Variants in ASAP1 observed in about 807,000 individuals in gnomAD.
The protein encoded by ASAP1 is arf-GAP with SH3 domain, ANK repeat and PH domain-containing protein 1.
ASAP1 carries 43 observed loss-of-function variants against 145.2 expected under a neutral mutation model. The observed-to-expected ratio is 0.30, with a 90% confidence interval of 0.23 to 0.38. The LOEUF is 0.38. Ranked by LOEUF, ASAP1 falls within the 10% of genes least tolerant of loss-of-function variation. ASAP1 has a pLI of 1.00. For synonymous variants in ASAP1, 546 were observed against 515.5 expected, an observed-to-expected ratio of 1.06 and a Z score of -0.80; for missense variants, 1,018 against 1,355.3, an observed-to-expected ratio of 0.75 and a Z score of 3.91.
intron 2 of ASAP1, among the ~76,000 whole-genome samples, chr8:130,391,296 T>C (rs1484769590): frequency 1.3e-5 from 2 of 152,048 alleles, no homozygotes; most frequent in African/African-American, 2.4e-5. Context: ...GAGAAGGAGT[T>C]GTCATTTGAT....
At chr8:130,207,814 G>A (rs867443976) in intron 5 of ASAP1, among the ~76,000 whole-genome samples, 7 of 152,200 alleles carry the variant, frequency 4.6e-5, no homozygotes, top group Middle Eastern at 3.4e-3. Flanking sequence ...CTCACTTCTG[G>A]GAGGAAATAG....
intron 27 of ASAP1, among the ~76,000 whole-genome samples, chr8:130,070,832 AGAGAGAGG>A (rs2097441869): frequency 3.7e-4 from 6 of 16,146 alleles, no homozygotes; most frequent in Admixed American, 1.6e-3. Flanking sequence ...GGAGAGAGGG[AGAGAGAGG>A]GAGAGAGGGA....
At chr8:130,139,983 C>T (rs1427992893) in intron 13 of ASAP1, among the ~76,000 whole-genome samples, 3 of 149,180 alleles carry the variant, frequency 2.0e-5, no homozygotes, top group Admixed American at 2.0e-4. Flanking sequence ...TGCATTCAGG[C>T]AAGTTAAACA....
chr8:130,318,948 T>C (rs1331263332), intron 3 of ASAP1, among the ~76,000 whole-genome samples: 2 of 152,194 alleles, frequency 1.3e-5, no homozygotes, highest in African/African-American at 4.8e-5. Flanking sequence ...AAAAACCCAT[T>C]AGAAGCAGAA....
intron 3 of ASAP1, among the ~76,000 whole-genome samples, chr8:130,344,668 A>C (rs1283507841): frequency 1.3e-5 from 2 of 152,240 alleles, no homozygotes; most frequent in Non-Finnish European, 2.9e-5. Flanking sequence ...CAGGAGATAG[A>C]ACCTGCAGTA....
chr8:130,091,848 G>A, intron 25 of ASAP1, 125 bp downstream of exon 25: 1 of 1,051,562 alleles, frequency 9.5e-7, no homozygotes, highest in Non-Finnish European at 1.3e-6. Context: ...ATATACCCGA[G>A]TCAGCACCCA....
intron 27 of ASAP1, among the ~76,000 whole-genome samples, chr8:130,074,561 G>A (rs1315558236): frequency 3.3e-5 from 5 of 152,026 alleles, no homozygotes; most frequent in African/African-American, 1.2e-4. Context: ...CAGTAGGCCT[G>A]CCCTGATAGG....
intron 2 of ASAP1, chr8:130,360,890 C>G (rs1826679883): frequency 6.6e-6 from 1 of 152,296 alleles, no homozygotes; most frequent in Admixed American, 6.5e-5. Flanking sequence ...CACATACTAA[C>G]CAAGTCACTC....
chr8:130,173,865 G>T (rs1032235324), intron 9 of ASAP1, among the ~76,000 whole-genome samples: 12 of 151,690 alleles, frequency 7.9e-5, no homozygotes, highest in South Asian at 6.3e-4. Context: ...CTGAGCTCAG[G>T]AGTTCGAGAC....
intron 26 of ASAP1, among the ~76,000 whole-genome samples, chr8:130,079,542 A>C (rs892884083): frequency 6.6e-6 from 1 of 152,190 alleles, no homozygotes; most frequent in Non-Finnish European, 1.5e-5. Flanking sequence ...AAAAGGAGTC[A>C]AGTGGAAAAG....
Position 130,217,537 on chromosome 8 carries a change from T to TACACACACACACAC in ASAP1, c.260-2850_260-2837dup, listed in dbSNP as rs71302402. The stretch of plus-strand genomic sequence containing the variant: ...ATGTGTATATATGTGTGTATATATG[T>TACACACACACACAC]ACACACACACACACACACACACAGA... On this transcript the variant is annotated intron_variant, in intron 4 of 29. Coordinates refer to ENST00000518721, the MANE Select transcript of ASAP1 (RefSeq NM_018482.4). 3.2e-3 allele frequency among the ~76,000 whole-genome samples: 470 copies of TACACACACACACAC among 148,980 alleles called. 5 individuals are homozygous for TACACACACACACAC. In the East Asian group the frequency reaches 0.034, roughly 11 times the overall value.
At chr8:130,292,362 A>G (rs77714015) in intron 3 of ASAP1, among the ~76,000 whole-genome samples, 351 of 152,300 alleles carry the variant, frequency 2.3e-3, no homozygotes, top group African/African-American at 8.1e-3. Context: ...CTTTGTTAAC[A>G]GAAGTATGAA....
intron 3 of ASAP1, among the ~76,000 whole-genome samples, chr8:130,281,455 T>A (rs2137186008): frequency 6.6e-6 from 1 of 152,356 alleles, no homozygotes; most frequent in African/African-American, 2.4e-5. Flanking sequence ...TCCTTGATTT[T>A]TTTAATCATG....
At chr8:130,252,351 TAAGA>T (rs1232803078) in intron 3 of ASAP1, among the ~76,000 whole-genome samples, 2 of 152,208 alleles carry the variant, frequency 1.3e-5, no homozygotes, top group African/African-American at 4.8e-5. Flanking sequence ...ATGTTGTAAT[TAAGA>T]AAATTTTTTC....
chr8:130,125,294 C>T (rs2097573252), intron 17 of ASAP1, among the ~76,000 whole-genome samples: 2 of 152,032 alleles, frequency 1.3e-5, no homozygotes, highest in African/African-American at 2.4e-5. Context: ...GTAGGCTCCC[C>T]TTCTGTATTT....
At chr8:130,121,279 G>T (rs984927956) in intron 18 of ASAP1, among the ~76,000 whole-genome samples, 1 of 152,176 alleles carries the variant, frequency 6.6e-6, no homozygotes, top group African/African-American at 2.4e-5. Context: ...GTCAGCTACA[G>T]CTGGGTTTCT....
chr8:130,398,849 G>A (rs1828650197), intron 2 of ASAP1, among the ~76,000 whole-genome samples: 1 of 152,214 alleles, frequency 6.6e-6, no homozygotes, highest in African/African-American at 2.4e-5. Context: ...CAGGCTGGCT[G>A]CAGAGCCTAT....
chr8:130,332,299 A>C (rs1231309494), intron 3 of ASAP1, among the ~76,000 whole-genome samples: 1 of 152,184 alleles, frequency 6.6e-6, no homozygotes, highest in Non-Finnish European at 1.5e-5. Flanking sequence ...GTATAATGAA[A>C]ACTCTGTCTT....
At chr8:130,124,430 T>C (rs957265773) in intron 17 of ASAP1, among the ~76,000 whole-genome samples, 19 of 152,220 alleles carry the variant, frequency 1.2e-4, no homozygotes, top group African/African-American at 4.6e-4. Flanking sequence ...TACACACATA[T>C]AAACTATATG....
Sources: gnomAD v4.1 joint callset for allele counts (sites outside exome capture counted in the v4.1 genomes callset) on GRCh38, gnomAD v4.1.1 for gene constraint, MANE v1.5 for transcripts, NCBI Gene and HGNC (gene_info 2026-07-23, HGNC 2026-07-21) for gene names.